Variants in ABCB1 observed in about 807,000 individuals in gnomAD.
The protein encoded by ABCB1 is ATP-dependent translocase ABCB1.
ABCB1 carries 69 observed loss-of-function variants against 142.0 expected under a neutral mutation model. That is an observed-to-expected ratio of 0.49 (90% CI 0.40 to 0.59). ABCB1 has a LOEUF of 0.59. ABCB1 is among the 20% of genes least tolerant of loss of function. The probability of loss-of-function intolerance (pLI) is 0.00; values close to 1 mark genes in which losing one functional copy is unlikely to be tolerated. For missense variants in ABCB1, 1,326 were observed against 1,554.7 expected, an observed-to-expected ratio of 0.85 and a Z score of 2.47; for synonymous variants, 532 against 539.2, an observed-to-expected ratio of 0.99 and a Z score of 0.18.
At chr7:87,638,057 TTAAA>T (rs1295716804) in intron 1 of ABCB1, among the ~76,000 whole-genome samples, 1 of 152,134 alleles carries the variant, frequency 6.6e-6, no homozygotes, top group Non-Finnish European at 1.5e-5. Flanking sequence ...TATTGTATTA[TTAAA>T]TTTTTTTTGT....
intron 1 of ABCB1, among the ~76,000 whole-genome samples, chr7:87,684,108 A>G (rs1299854859): frequency 6.6e-6 from 1 of 152,234 alleles, no homozygotes; most frequent in Non-Finnish European, 1.5e-5. Flanking sequence ...TGTTAAAAAA[A>G]ATCTTTACAG....
At chr7:87,518,874 C>T (rs1308911241) in intron 23 of ABCB1, 1 of 163,792 alleles carries the variant, frequency 6.1e-6, no homozygotes, top group Non-Finnish European at 1.3e-5. Flanking sequence ...ATTCATTTGG[C>T]TCTTACCTTC....
chr7:87,539,212 AG>A, intron 19 of ABCB1, 55 bp downstream of exon 19: 3 of 1,547,532 alleles, frequency 1.9e-6, no homozygotes, highest in Non-Finnish European at 2.7e-6. Flanking sequence ...TCTGAGTCCA[AG>A]GGGCACACAT....
chr7:87,636,324 A>G (rs1233678159), intron 1 of ABCB1, among the ~76,000 whole-genome samples: 1 of 152,154 alleles, frequency 6.6e-6, no homozygotes, highest in Non-Finnish European at 1.5e-5. Context: ...CTTGATGTCT[A>G]ATGAAGTCAA....
intron 1 of ABCB1, among the ~76,000 whole-genome samples, chr7:87,639,009 A>G (rs1271030529): frequency 1.3e-5 from 2 of 152,060 alleles, no homozygotes; most frequent in African/African-American, 2.4e-5. Flanking sequence ...AAAATTAGCC[A>G]GGCGTGATGG....
intron 1 of ABCB1, among the ~76,000 whole-genome samples, chr7:87,645,295 G>A (rs1358805235): frequency 1.3e-5 from 2 of 151,896 alleles, no homozygotes; most frequent in Non-Finnish European, 2.9e-5. Flanking sequence ...TGTTGGCCAG[G>A]CAGGTCTTGA....
At chr7:87,631,599 TAGCC>T (rs1821230261) in intron 1 of ABCB1, among the ~76,000 whole-genome samples, 1 of 152,212 alleles carries the variant, frequency 6.6e-6, no homozygotes, top group South Asian at 2.1e-4. Flanking sequence ...TTCACCGTAT[TAGCC>T]AGGATGGTCT....
In ABCB1 at chr7:87,619,747, T is replaced by C. The variant is rs549155971; in HGVS notation, c.-330-18669A>G. 4.0e-4 allele frequency among the ~76,000 whole-genome samples: 56 copies of C among 140,650 alleles called. No individual in the cohort carries two copies. In the South Asian group the frequency reaches 0.012, roughly 30 times the overall value. 92.3% of individuals were successfully genotyped at this position (140,650 alleles called of 152,430 possible). A position where few individuals can be genotyped will look rare whatever the true frequency, so the allele number is the denominator to read the frequency against. ...TTATATATACACACACACAAACACA[T>C]GTGTGTGTGTGTGTGTGTATATATA... On this transcript the variant is annotated intron_variant, in intron 1 of 28. Coordinates refer to the ABCB1 transcript ENST00000265724.
intron 1 of ABCB1, among the ~76,000 whole-genome samples, chr7:87,675,833 T>C (rs1026678447): frequency 6.6e-6 from 1 of 152,036 alleles, no homozygotes; most frequent in African/African-American, 2.4e-5. Flanking sequence ...GAAAAGCTAA[T>C]TGACATTGTT....
At chr7:87,558,522 C>CT (rs1563051847) in intron 8 of ABCB1, among the ~76,000 whole-genome samples, 1 of 151,846 alleles carries the variant, frequency 6.6e-6, no homozygotes, top group South Asian at 2.1e-4. Context: ...TTTTCGTTTT[C>CT]TTTTTTTCAT....
intron 1 of ABCB1, among the ~76,000 whole-genome samples, chr7:87,643,328 T>C (rs1382249307): frequency 3.3e-5 from 5 of 152,166 alleles, no homozygotes; most frequent in Admixed American, 6.5e-5. Context: ...TGGTTGGGAC[T>C]TTTTTTGGTT....
chr7:87,517,755 G>A (rs921875848), intron 23 of ABCB1, among the ~76,000 whole-genome samples: 3 of 152,134 alleles, frequency 2.0e-5, no homozygotes, highest in Admixed American at 6.5e-5. Flanking sequence ...ATGCATTGAC[G>A]TTCTTATCTA....
At chr7:87,707,919 T>C (rs144043983) in intron 1 of ABCB1, among the ~76,000 whole-genome samples, 5 of 152,134 alleles carry the variant, frequency 3.3e-5, no homozygotes, top group African/African-American at 9.6e-5. Context: ...GGAGAACTTC[T>C]AAATAACCCA....
intron 1 of ABCB1, among the ~76,000 whole-genome samples, chr7:87,651,941 A>T (rs1438213349): frequency 6.6e-6 from 1 of 152,094 alleles, no homozygotes; most frequent in East Asian, 1.9e-4. Flanking sequence ...TTTGCATTTT[A>T]AAAGGGTTTT....
At chr7:87,615,747 T>C (rs73705277) in intron 1 of ABCB1, among the ~76,000 whole-genome samples, 1,868 of 152,270 alleles carry the variant, frequency 0.012, 40 homozygotes, top group African/African-American at 0.043. Context: ...AATAGCCTAT[T>C]AATAAGAAGT....
In ABCB1 at chr7:87,549,647, T is replaced by G. The variant is rs1434369341; in HGVS notation, c.1555-129A>C. 4.1e-6 allele frequency: 6 copies of G among 1,466,152 alleles called. No individual in the cohort carries two copies. The Admixed American group carries it at 9.0e-5, about 22-fold the overall frequency. The allele number at this position is 1,466,152 out of a possible 1,614,324, so 90.8% of individuals were successfully genotyped here. On this transcript the variant is annotated intron_variant, in intron 13 of 27. Coordinates refer to ENST00000622132, the MANE Select transcript of ABCB1 (RefSeq NM_001348946.2). ...TACAGGTCCAGTTCTTTAAATCTTA[T>G]TTAACACAATAACCAACCTCAGTTT...
Position 87,619,600 on chromosome 7 carries a change from T to C in ABCB1, c.-330-18522A>G, listed in dbSNP as rs145990363. Among the ~76,000 whole-genome samples the C allele has an allele frequency of 4.3e-3, 657 of 152,186 alleles. 2 individuals are homozygous for C. The highest frequency in any genetic ancestry group is 6.8e-3 in the Admixed American group (104 of 15,286). ...GAATGATAACCACAACATTCTTCTT[T>C]TTCTTACTAAGGTTTATTGGTTGAC... On this transcript the variant is annotated intron_variant, in intron 1 of 28. Coordinates refer to the ABCB1 transcript ENST00000265724.
At position 87,536,557 on chromosome 7, in the gene ABCB1, T is replaced by C. The variant is rs1468401812; in HGVS notation, c.2398-16A>G. On this transcript the variant is annotated splice_polypyrimidine_tract_variant and intron_variant, in intron 19 of 27. Transcript: ENST00000622132. The stretch of plus-strand genomic sequence containing the variant: ...AACTCACATCCTGTGGCACAGAAAA[T>C]GATTTTATTACCTTAAAGCTGTTTA... 2 of 1,613,326 alleles carry C rather than the reference T, an allele frequency of 1.2e-6. No individual in the cohort carries two copies. Among genetic ancestry groups the C allele is most frequent in the Non-Finnish European group, 1.7e-6 (2 of 1,179,422 alleles).
intron 20 of ABCB1, 82 bp from the exon 21 acceptor site, chr7:87,531,579 A>G (rs1816060804): frequency 8.1e-7 from 1 of 1,236,170 alleles, no homozygotes; most frequent in African/African-American, 1.5e-5. Flanking sequence ...ACTCACCTTC[A>G]TGAGACTATA....
Sources: gnomAD v4.1 joint callset for allele counts (sites outside exome capture counted in the v4.1 genomes callset) on GRCh38, gnomAD v4.1.1 for gene constraint, MANE v1.5 for transcripts, NCBI Gene and HGNC (gene_info 2026-07-23, HGNC 2026-07-21) for gene names.